TMEM132C: variants seen among roughly 807,000 people sequenced by gnomAD.
TMEM132C encodes the protein transmembrane protein 132C.
A neutral mutation model predicts 61.4 loss-of-function variants in TMEM132C; 29 were observed. That is an observed-to-expected ratio of 0.47 (90% CI 0.35 to 0.64). The LOEUF is 0.64. TMEM132C is among the 30% of genes least tolerant of loss of function. The pLI, the probability that TMEM132C is intolerant of heterozygous loss-of-function variation, is 0.00. For synonymous variants in TMEM132C, 656 were observed against 633.1 expected, an observed-to-expected ratio of 1.04 and a Z score of -0.54; for missense variants, 1,408 against 1,476.9, an observed-to-expected ratio of 0.95 and a Z score of 0.76.
At chr12:128,417,985 C>T (rs943456385) in intron 2 of TMEM132C, among the ~76,000 whole-genome samples, 1 of 152,138 alleles carries the variant, frequency 6.6e-6, no homozygotes, top group Non-Finnish European at 1.5e-5. Context: ...TTAAAGGGTA[C>T]TGCTTGGTGC....
chr12:128,691,537 T>C (rs980917955), intron 5 of TMEM132C, among the ~76,000 whole-genome samples: 44 of 152,314 alleles, frequency 2.9e-4, no homozygotes, highest in East Asian at 3.9e-4. Flanking sequence ...TCCATCCATC[T>C]TTCCATCCAT....
At chr12:128,362,382 TG>T (rs996439548) in intron 1 of TMEM132C, among the ~76,000 whole-genome samples, 9 of 152,274 alleles carry the variant, frequency 5.9e-5, no homozygotes, top group African/African-American at 2.2e-4. Flanking sequence ...ATTGTGAGAC[TG>T]TGTTAAAAGG....
At chr12:128,534,177 C>T (rs1300375095) in intron 2 of TMEM132C, among the ~76,000 whole-genome samples, 2 of 152,152 alleles carry the variant, frequency 1.3e-5, no homozygotes, top group Non-Finnish European at 2.9e-5. Context: ...ATACCCAAGC[C>T]AAGCACATTT....
intron 2 of TMEM132C, among the ~76,000 whole-genome samples, chr12:128,518,426 G>C (rs1030481778): frequency 6.6e-6 from 1 of 152,176 alleles, no homozygotes; most frequent in Non-Finnish European, 1.5e-5. Flanking sequence ...GTGGCTTGCT[G>C]GTTTGGCATC....
At chr12:128,650,144 A>G (rs1954253409) in intron 4 of TMEM132C, among the ~76,000 whole-genome samples, 1 of 152,168 alleles carries the variant, frequency 6.6e-6, no homozygotes, top group South Asian at 2.1e-4. Context: ...TCCAGTGGTA[A>G]CCTCTGGCAG....
intron 1 of TMEM132C, among the ~76,000 whole-genome samples, chr12:128,360,928 A>G (rs1258353830): frequency 1.3e-5 from 2 of 152,180 alleles, no homozygotes; most frequent in Non-Finnish European, 2.9e-5. Flanking sequence ...ACTGTGTCTC[A>G]TAGAGTGTCT....
At chr12:128,391,892 A>G (rs140869583) in intron 1 of TMEM132C, among the ~76,000 whole-genome samples, 87 of 152,274 alleles carry the variant, frequency 5.7e-4, no homozygotes, top group African/African-American at 1.9e-3. Flanking sequence ...AATAGTCTTT[A>G]TATTTTTTAA....
intron 2 of TMEM132C, among the ~76,000 whole-genome samples, chr12:128,506,032 G>C (rs116107285): frequency 7.9e-4 from 121 of 152,334 alleles, no homozygotes; most frequent in African/African-American, 2.7e-3. Flanking sequence ...TTTGGGTTTT[G>C]TTGGCCCTGG....
In TMEM132C at chr12:128,544,122, G is replaced by A. The variant is rs1392875728; in HGVS notation, c.1121+19G>A. 6.7e-7 allele frequency: 1 copy of A among 1,502,468 alleles called. No homozygotes were observed. Among genetic ancestry groups the A allele is most frequent in the African/African-American group, 1.4e-5 (1 of 71,440 alleles). 93.1% of individuals were successfully genotyped at this position (1,502,468 alleles called of 1,614,324 possible). A position where few individuals can be genotyped will look rare whatever the true frequency, so the allele number is the denominator to read the frequency against. On this transcript the variant is annotated intron_variant, in intron 3 of 8. Coordinates refer to ENST00000435159, the MANE Select transcript of TMEM132C (RefSeq NM_001136103.3). Reference sequence around the variant, plus strand: ...GCAACAGGTAAGCGGTGCCCTCCCTGCAAGCGTGTGTGGTTCCTGGTCCCG... The same window carrying A: ...GCAACAGGTAAGCGGTGCCCTCCCTACAAGCGTGTGTGGTTCCTGGTCCCG...
chr12:128,524,443 A>G (rs1870290), intron 2 of TMEM132C, among the ~76,000 whole-genome samples: 143,800 of 152,222 alleles, frequency 0.94, 68,391 homozygotes, highest in East Asian at 1. Context: ...TTAGCCCTAC[A>G]TAGCTCATGG....
At chr12:128,297,665 AGT>A (rs1433032723) in intron 1 of TMEM132C, among the ~76,000 whole-genome samples, 17 of 152,190 alleles carry the variant, frequency 1.1e-4, no homozygotes, top group African/African-American at 4.1e-4. Flanking sequence ...AGAGTGTAGC[AGT>A]GTCTCCTGGT....
intron 1 of TMEM132C, among the ~76,000 whole-genome samples, chr12:128,354,461 C>CT (rs1331320444): frequency 6.9e-6 from 1 of 145,894 alleles, no homozygotes; most frequent in African/African-American, 2.5e-5. Flanking sequence ...GCCTTCTTTT[C>CT]TTTCTTCCTT....
chr12:128,442,773 G>A (rs563554942), intron 2 of TMEM132C, among the ~76,000 whole-genome samples: 142 of 152,196 alleles, frequency 9.3e-4, no homozygotes, highest in African/African-American at 3.3e-3. Context: ...CGCTTCAGTG[G>A]CACTTACTGT....
In TMEM132C at chr12:128,468,865, T is replaced by A. The variant is rs185943573; in HGVS notation, c.974+53245T>A. Among the ~76,000 whole-genome samples the A allele has an allele frequency of 3.5e-3, 530 of 152,296 alleles. 1 individual carries two copies. Among genetic ancestry groups the A allele is most frequent in the Admixed American group, 6.5e-3 (99 of 15,294 alleles). On this transcript the variant is annotated intron_variant, in intron 2 of 8. Coordinates refer to ENST00000435159, the MANE Select transcript of TMEM132C (RefSeq NM_001136103.3). The stretch of plus-strand genomic sequence containing the variant: ...AGATATTACTACTTAAGACAACTTT[T>A]AAAAAAATTAGTTTAAAATATTAAA...
At chr12:128,363,485 A>G (rs1873768233) in intron 1 of TMEM132C, among the ~76,000 whole-genome samples, 1 of 152,174 alleles carries the variant, frequency 6.6e-6, no homozygotes, top group Admixed American at 6.5e-5. Context: ...TAAAGCTAAC[A>G]GAGTCAGTGT....
chr12:128,387,879 C>T (rs570780835), intron 1 of TMEM132C, among the ~76,000 whole-genome samples: 2 of 152,186 alleles, frequency 1.3e-5, no homozygotes, highest in Non-Finnish European at 2.9e-5. Context: ...GCCAGCTGCC[C>T]GTGCAGGCGG....
intron 4 of TMEM132C, among the ~76,000 whole-genome samples, chr12:128,637,003 T>C (rs140616882): frequency 1.7e-3 from 262 of 152,328 alleles, no homozygotes; most frequent in African/African-American, 5.9e-3. Flanking sequence ...TATGTATTCA[T>C]CTGTCCATGG....
chr12:128,620,446 TCA>T (rs1953953591), intron 4 of TMEM132C, among the ~76,000 whole-genome samples: 1 of 152,092 alleles, frequency 6.6e-6, no homozygotes, highest in Admixed American at 6.6e-5. Flanking sequence ...GACGCTGCTG[TCA>T]CACAAATCAA....
intron 3 of TMEM132C, among the ~76,000 whole-genome samples, chr12:128,555,772 T>G (rs1224628246): frequency 6.6e-6 from 1 of 151,838 alleles, no homozygotes; most frequent in Non-Finnish European, 1.5e-5. Flanking sequence ...TGGAATGCAG[T>G]GGCACGGTCA....
Sources: gnomAD v4.1 joint callset for allele counts (sites outside exome capture counted in the v4.1 genomes callset) on GRCh38, gnomAD v4.1.1 for gene constraint, MANE v1.5 for transcripts, NCBI Gene and HGNC (gene_info 2026-07-23, HGNC 2026-07-21) for gene names.